The following PXDNL variants were observed in gnomAD, a reference collection of about 807,000 sequenced individuals.
PXDNL encodes probable oxidoreductase PXDNL.
A neutral mutation model predicts 150.8 loss-of-function variants in PXDNL; 145 were observed. The observed-to-expected ratio is 0.96, with a 90% CI of 0.84 to 1.10. The LOEUF is 1.10. Ranked by LOEUF, PXDNL falls within the 50% of genes least tolerant of loss-of-function variation. The pLI is 0.00. For synonymous variants in PXDNL, 757 were observed against 725.7 expected (o/e 1.04, Z -0.69); for missense variants, 2,087 against 1,873.9 (o/e 1.11, Z -2.10).
chr8:51,547,348 C>A (rs1812383317), intron 4 of PXDNL, among the ~76,000 whole-genome samples: 1 of 152,180 alleles, frequency 6.6e-6, no homozygotes, highest in Non-Finnish European at 1.5e-5. Flanking sequence ...CTGACTCTGG[C>A]CATGTGACAG....
At chr8:51,658,256 C>G (rs114033425) in intron 1 of PXDNL, among the ~76,000 whole-genome samples, 4,279 of 148,908 alleles carry the variant, frequency 0.029, 89 homozygotes, top group Non-Finnish European at 0.043. Flanking sequence ...GTGGGAAGAT[C>G]GCTTGGGCCC....
chr8:51,479,175 A>G (rs1306121260), intron 6 of PXDNL, among the ~76,000 whole-genome samples: 1 of 152,222 alleles, frequency 6.6e-6, no homozygotes, highest in Non-Finnish European at 1.5e-5. Flanking sequence ...ATTTAACATG[A>G]AAGAATAATA....
intron 1 of PXDNL, among the ~76,000 whole-genome samples, chr8:51,684,490 C>G (rs1218739975): frequency 6.6e-6 from 1 of 152,200 alleles, no homozygotes; most frequent in Non-Finnish European, 1.5e-5. Flanking sequence ...ATTTTACACA[C>G]TGCATATGCT....
At chr8:51,510,676 G>A (rs889124162) in intron 4 of PXDNL, among the ~76,000 whole-genome samples, 1 of 152,152 alleles carries the variant, frequency 6.6e-6, no homozygotes, top group African/African-American at 2.4e-5. Flanking sequence ...GGAGACCTGA[G>A]GCTCATCGGG....
chr8:51,418,786 A>G (rs930654388), intron 14 of PXDNL, among the ~76,000 whole-genome samples: 3 of 152,236 alleles, frequency 2.0e-5, no homozygotes, highest in Non-Finnish European at 2.9e-5. Flanking sequence ...TAGTTTGATA[A>G]TAATTTATTG....
intron 3 of PXDNL, among the ~76,000 whole-genome samples, chr8:51,587,941 T>A (rs985797867): frequency 1.3e-5 from 2 of 152,050 alleles, no homozygotes; most frequent in Non-Finnish European, 2.9e-5. Context: ...AGAAAATAAA[T>A]AATTTAACAA....
chr8:51,585,133 T>A (rs2130637552), intron 3 of PXDNL, among the ~76,000 whole-genome samples: 2 of 152,152 alleles, frequency 1.3e-5, no homozygotes, highest in South Asian at 2.1e-4. Context: ...ATAAGCACAT[T>A]TGAAGGGGAA....
intron 5 of PXDNL, among the ~76,000 whole-genome samples, chr8:51,492,317 C>T (rs901994757): frequency 3.9e-5 from 6 of 152,016 alleles, no homozygotes; most frequent in Non-Finnish European, 7.4e-5. Flanking sequence ...CCAAGATGGC[C>T]AAATAGGAAC....
intron 1 of PXDNL, among the ~76,000 whole-genome samples, chr8:51,783,122 A>T (rs767680947): frequency 8.5e-5 from 13 of 152,206 alleles, no homozygotes; most frequent in African/African-American, 1.2e-4. Flanking sequence ...ATGGGTTAAA[A>T]ATCAGTGCCG....
At chr8:51,558,717 G>T (rs1812648274) in intron 3 of PXDNL, among the ~76,000 whole-genome samples, 1 of 152,010 alleles carries the variant, frequency 6.6e-6, no homozygotes, top group Admixed American at 6.6e-5. Context: ...CACAAAGTAG[G>T]GGGAAAAGAG....
intron 1 of PXDNL, among the ~76,000 whole-genome samples, chr8:51,766,600 G>A (rs2037234288): frequency 6.6e-6 from 1 of 152,090 alleles, no homozygotes. Flanking sequence ...TAACTTTGCT[G>A]GATATGCAAT....
chr8:51,638,628 A>C lies in PXDNL; in HGVS notation c.236+16061T>G, dbSNP rs1433835324. Among the ~76,000 whole-genome samples, 7 of 152,340 alleles carry C rather than the reference A, an allele frequency of 4.6e-5. No individual in the cohort carries two copies. In the East Asian group the frequency reaches 1.2e-3, roughly 25 times the overall value. On this transcript the variant is annotated intron_variant, in intron 2 of 22. Transcript: ENST00000356297. ...AAGGCCATTACATAACAGTAAAGGG[A>C]TCAATTCAACAAGAAGAGCTAACTA... is the stretch of plus-strand genomic sequence containing the variant.
chr8:51,467,756 T>C (rs1189343074), intron 8 of PXDNL, among the ~76,000 whole-genome samples: 1 of 152,100 alleles, frequency 6.6e-6, no homozygotes, highest in African/African-American at 2.4e-5. Flanking sequence ...GCCATTATTA[T>C]GCAATCTTTT....
At chr8:51,648,479 T>C (rs555969994) in intron 2 of PXDNL, among the ~76,000 whole-genome samples, 1 of 152,166 alleles carries the variant, frequency 6.6e-6, no homozygotes, top group South Asian at 2.1e-4. Context: ...AGGGCCTGGA[T>C]GCTAAAAGAG....
At chr8:51,776,697 CT>C (rs2037357444) in intron 1 of PXDNL, among the ~76,000 whole-genome samples, 1 of 152,046 alleles carries the variant, frequency 6.6e-6, no homozygotes, top group Admixed American at 6.6e-5. Context: ...TCCTCCCACC[CT>C]TGATGTACCC....
rs148156513 is a variant in PXDNL, at chr8:51,685,006, G to A, written c.165-30246C>T. Among the ~76,000 whole-genome samples, 7 of 152,324 alleles carry A rather than the reference G, an allele frequency of 4.6e-5. No homozygotes were observed. The East Asian group carries it at 1.4e-3, about 29-fold the overall frequency. The stretch of plus-strand genomic sequence containing the variant: ...CATGGGATGCCCAGACAGCTGACTG[G>A]CAAACTGGGAACTAATAAATGGATA... On this transcript the variant is annotated intron_variant, in intron 1 of 22. Transcript: ENST00000356297.
intron 3 of PXDNL, among the ~76,000 whole-genome samples, chr8:51,586,786 G>A (rs985147710): frequency 6.6e-6 from 1 of 152,204 alleles, no homozygotes; most frequent in Admixed American, 6.5e-5. Flanking sequence ...TGTGCAAAAA[G>A]AGCAGCATTT....
At chr8:51,552,717 T>G (rs1425619679) in intron 4 of PXDNL, among the ~76,000 whole-genome samples, 1 of 152,130 alleles carries the variant, frequency 6.6e-6, no homozygotes, top group African/African-American at 2.4e-5. Flanking sequence ...GACTACACAT[T>G]GGGTGCAGTG....
intron 2 of PXDNL, among the ~76,000 whole-genome samples, chr8:51,632,221 A>T (rs1814504686): frequency 6.6e-6 from 1 of 152,166 alleles, no homozygotes; most frequent in Non-Finnish European, 1.5e-5. Flanking sequence ...TTAATAATGG[A>T]TAGAACATGT....
Sources: allele counts gnomAD v4.1 joint callset (sites outside exome capture counted in the v4.1 genomes callset), GRCh38; gene constraint gnomAD v4.1.1; transcripts MANE v1.5; gene names NCBI Gene and HGNC (gene_info 2026-07-23, HGNC 2026-07-21).